The following LINGO2 variants were observed in gnomAD, a reference collection of about 807,000 sequenced individuals.
LINGO2 encodes leucine rich repeat and Ig domain containing 2.
In LINGO2, 14 loss-of-function variants were observed where a neutral mutation model predicts 30.6. The ratio of observed to expected loss-of-function variants is 0.46; its 90% confidence interval spans 0.30 to 0.72. The LOEUF is 0.72. Ranked by LOEUF, LINGO2 falls within the 30% of genes least tolerant of loss-of-function variation. The probability of loss-of-function intolerance (pLI) is 0.07; values close to 1 mark genes in which losing one functional copy is unlikely to be tolerated. For synonymous variants in LINGO2, 317 were observed against 288.5 expected (o/e 1.10, Z -1.00); for missense variants, 729 against 751.7 (o/e 0.97, Z 0.35).
the LINGO2 span, among the ~76,000 whole-genome samples, chr9:29,097,277 C>T: frequency 7.3e-6 from 1 of 137,242 alleles, no homozygotes; most frequent in South Asian, 2.3e-4. Flanking sequence ...AAATAGTATG[C>T]TATTTCAGTG....
chr9:28,670,472 C>A (rs1465010173), upstream of LINGO2, among the ~76,000 whole-genome samples: 1 of 152,034 alleles, frequency 6.6e-6, no homozygotes, highest in African/African-American at 2.4e-5. Context: ...CTGGGACTTC[C>A]GAGGTACTAA....
At chr9:28,226,633 AGG>A (rs1491402988) in intron 4 of LINGO2, among the ~76,000 whole-genome samples, 5,994 of 96,932 alleles carry the variant, frequency 0.062, 142 homozygotes, top group African/African-American at 0.075. Flanking sequence ...GAAGGAAAGA[AGG>A]AAAGAAGGAA....
chr9:28,860,986 AAT>A, the LINGO2 span, among the ~76,000 whole-genome samples: 1 of 124,594 alleles, frequency 8.0e-6, no homozygotes, highest in South Asian at 2.2e-4. Context: ...ATAAATCTAT[AAT>A]ATATTATATT....
the LINGO2 span, among the ~76,000 whole-genome samples, chr9:28,678,013 T>A: frequency 6.6e-6 from 1 of 151,994 alleles, no homozygotes; most frequent in Non-Finnish European, 1.5e-5. Context: ...ATTCTGATGG[T>A]CTCCTAACTA....
intron 5 of LINGO2, among the ~76,000 whole-genome samples, chr9:27,959,096 T>C (rs1819714002): frequency 6.6e-6 from 1 of 152,158 alleles, no homozygotes; most frequent in Non-Finnish European, 1.5e-5. Flanking sequence ...TCCCTTATTA[T>C]TCTTCTAATG....
intron 4 of LINGO2, among the ~76,000 whole-genome samples, chr9:28,277,850 CA>C (rs35288673): frequency 3.8e-4 from 51 of 135,962 alleles, no homozygotes; most frequent in East Asian, 1.1e-3. Flanking sequence ...AAAAAAAAAA[CA>C]AAAAAAAAAA....
chr9:29,050,610 G>C, the LINGO2 span, among the ~76,000 whole-genome samples: 2 of 152,298 alleles, frequency 1.3e-5, no homozygotes, highest in South Asian at 4.1e-4. Flanking sequence ...GTGGATGTTT[G>C]TGTCTATGCA....
At chr9:29,144,390 C>T in the LINGO2 span, among the ~76,000 whole-genome samples, 24 of 151,374 alleles carry the variant, frequency 1.6e-4, no homozygotes, top group Admixed American at 6.6e-4. Context: ...TTCCTGTCTA[C>T]GAATTTAAAA....
intron 1 of LINGO2, among the ~76,000 whole-genome samples, chr9:28,519,147 C>T (rs1820736578): frequency 6.6e-6 from 1 of 152,078 alleles, no homozygotes; most frequent in Non-Finnish European, 1.5e-5. Context: ...ATTCTCCCAT[C>T]TCAGCCTCCA....
At chr9:28,059,566 A>T (rs1460552422) in intron 4 of LINGO2, among the ~76,000 whole-genome samples, 1 of 152,130 alleles carries the variant, frequency 6.6e-6, no homozygotes, top group Non-Finnish European at 1.5e-5. Flanking sequence ...GTGTGAGGAG[A>T]CAGCAGATGA....
chr9:28,721,759 C>T, the LINGO2 span, among the ~76,000 whole-genome samples: 2 of 151,668 alleles, frequency 1.3e-5, no homozygotes, highest in African/African-American at 2.4e-5. Flanking sequence ...TACCATGGGA[C>T]ATGTATACCT....
intron 4 of LINGO2, among the ~76,000 whole-genome samples, chr9:28,204,247 T>TAC (rs1820335993): frequency 6.6e-6 from 1 of 152,080 alleles, no homozygotes; most frequent in Admixed American, 6.6e-5. Context: ...CACACGTGCA[T>TAC]GCACACACAC....
chr9:28,631,710 T>C (rs2135879523), intron 1 of LINGO2, among the ~76,000 whole-genome samples: 1 of 152,146 alleles, frequency 6.6e-6, no homozygotes, highest in African/African-American at 2.4e-5. Context: ...TGTTGCTGTC[T>C]CCCCAAGTGC....
intron 1 of LINGO2, among the ~76,000 whole-genome samples, chr9:28,561,167 T>A (rs1244280211): frequency 2.0e-5 from 3 of 152,022 alleles, no homozygotes; most frequent in African/African-American, 7.2e-5. Context: ...ACCACTAATT[T>A]TCTCTTACCA....
At chr9:29,074,983 T>A in the LINGO2 span, among the ~76,000 whole-genome samples, 12 of 152,234 alleles carry the variant, frequency 7.9e-5, no homozygotes, top group African/African-American at 2.2e-4. Flanking sequence ...GCCCATTTTT[T>A]AAATTACTTT....
chr9:28,413,564 T>C (rs897702055), intron 2 of LINGO2, among the ~76,000 whole-genome samples: 8 of 152,094 alleles, frequency 5.3e-5, no homozygotes, highest in Admixed American at 2.0e-4. Flanking sequence ...ATTTTCTTCA[T>C]CTGAAGAAAA....
chr9:28,695,263 A>T, the LINGO2 span, among the ~76,000 whole-genome samples: 1 of 151,934 alleles, frequency 6.6e-6, no homozygotes, highest in East Asian at 1.9e-4. Context: ...TAAACATATA[A>T]AGTGTTTAAC....
the LINGO2 span, among the ~76,000 whole-genome samples, chr9:29,153,613 C>T: frequency 6.6e-6 from 1 of 151,922 alleles, no homozygotes; most frequent in Non-Finnish European, 1.5e-5. Flanking sequence ...ACATGTTTAC[C>T]AAGCTCATCT....
chr9:29,072,964 C>T, the LINGO2 span, among the ~76,000 whole-genome samples: 1 of 151,154 alleles, frequency 6.6e-6, no homozygotes, highest in Non-Finnish European at 1.5e-5. Context: ...CTCCTTCCCT[C>T]CCTCCATCTC....
Sources: gnomAD v4.1 joint callset for allele counts (sites outside exome capture counted in the v4.1 genomes callset) on GRCh38, gnomAD v4.1.1 for gene constraint, MANE v1.5 for transcripts, NCBI Gene and HGNC (gene_info 2026-07-23, HGNC 2026-07-21) for gene names.